The following GABBR2 variants were observed in gnomAD, a reference collection of about 807,000 sequenced individuals.
GABBR2 encodes the protein G-protein coupled receptor 51.
In GABBR2, 23 loss-of-function variants were observed where a neutral mutation model predicts 105.6. The observed-to-expected ratio is 0.22, with a 90% CI of 0.16 to 0.31. The LOEUF (loss-of-function observed/expected upper bound fraction) is 0.31, where lower values mean the gene tolerates loss of function less well. Among genes scored for constraint, GABBR2 ranks in the 10% least tolerant of loss-of-function variants. GABBR2 has a pLI of 1.00. For synonymous variants in GABBR2, 478 were observed against 499.7 expected (o/e 0.96, Z 0.58); for missense variants, 734 against 1,245.5 (o/e 0.59, Z 6.18).
At chr9:98,499,569 T>C (rs1229327557) in intron 3 of GABBR2, among the ~76,000 whole-genome samples, 5 of 152,232 alleles carry the variant, frequency 3.3e-5, no homozygotes, top group South Asian at 2.1e-4. Context: ...GTCAGTAATA[T>C]TATAAATGGC....
rs117965405 is a variant in GABBR2, at chr9:98,457,424, T to C, written c.1000-3207A>G. Among the ~76,000 whole-genome samples the C allele has an allele frequency of 4.2e-3, 640 of 152,362 alleles. 3 individuals carry two copies. Among genetic ancestry groups the C allele is most frequent in the Non-Finnish European group, 7.2e-3 (489 of 68,034 alleles). ...AGTGTAATTTTAAACTTCCTTGATA[T>C]AGTTTTGTTTTGTTTTGTGGGACAC... On this transcript the variant is annotated intron_variant, in intron 6 of 18. Coordinates refer to ENST00000259455, the MANE Select transcript of GABBR2 (RefSeq NM_005458.8).
chr9:98,420,015 G>A (rs1239948366), intron 7 of GABBR2, among the ~76,000 whole-genome samples: 2 of 152,114 alleles, frequency 1.3e-5, no homozygotes, highest in Non-Finnish European at 2.9e-5. Flanking sequence ...CAGGTTGTAC[G>A]TAAGATGCTG....
intron 17 of GABBR2, among the ~76,000 whole-genome samples, chr9:98,294,414 G>A (rs138559944): frequency 0.014 from 2,100 of 152,098 alleles, 18 homozygotes; most frequent in Non-Finnish European, 0.022. Context: ...TTTTTTACCC[G>A]GAATTTCCAC....
chr9:98,699,228 G>C (rs549556882), intron 1 of GABBR2, among the ~76,000 whole-genome samples: 2 of 152,236 alleles, frequency 1.3e-5, no homozygotes, highest in Admixed American at 1.3e-4. Context: ...TCAGAAGCCG[G>C]AAAGTATTTA....
At chr9:98,648,116 T>TGTGTGTATAGATAGATAGATAGATAG in intron 1 of GABBR2, among the ~76,000 whole-genome samples, 54 of 55,938 alleles carry the variant, frequency 9.7e-4, no homozygotes, top group African/African-American at 2.6e-3. Context: ...TGTGTGTGTG[T>TGTGTGTATAGATAGATAGATAGATAG]ATAGATAGAT....
chr9:98,395,659 GC>G (rs1832274803), intron 8 of GABBR2, among the ~76,000 whole-genome samples: 2 of 152,166 alleles, frequency 1.3e-5, no homozygotes, highest in African/African-American at 4.8e-5. Flanking sequence ...TCACCATGGA[GC>G]TGGCTGCAGT....
In GABBR2 at chr9:98,293,713, C is replaced by G. The variant is rs1830336938; in HGVS notation, c.2660+72G>C. 6.2e-5 allele frequency: 51 copies of G among 820,406 alleles called. 2 individuals carry two copies. The South Asian group carries it at 7.0e-4, about 11-fold the overall frequency. The allele number at this position is 820,406 out of a possible 1,614,324, so 50.8% of individuals were successfully genotyped here. On this transcript the variant is annotated intron_variant, in intron 18 of 18. Coordinates refer to ENST00000259455, the MANE Select transcript of GABBR2 (RefSeq NM_005458.8). Reference sequence around the variant, plus strand: ...AAATAATGGATGTGAAAACATCGTGCAAATTGCAAACTCTTGTGCAGGAGT... The same window carrying G: ...AAATAATGGATGTGAAAACATCGTGGAAATTGCAAACTCTTGTGCAGGAGT...
intron 5 of GABBR2, among the ~76,000 whole-genome samples, chr9:98,474,767 T>A (rs572802963): frequency 6.6e-6 from 1 of 152,100 alleles, no homozygotes; most frequent in African/African-American, 2.4e-5. Flanking sequence ...AAAGTGAGGG[T>A]CTGTCCACAG....
chr9:98,673,673 G>A (rs1471718215), intron 1 of GABBR2, among the ~76,000 whole-genome samples: 1 of 151,804 alleles, frequency 6.6e-6, no homozygotes, highest in Non-Finnish European at 1.5e-5. Context: ...GTTTAAATGT[G>A]AAAACTTTAG....
intron 13 of GABBR2, among the ~76,000 whole-genome samples, chr9:98,343,781 C>T (rs553606133): frequency 3.9e-5 from 6 of 152,144 alleles, no homozygotes; most frequent in African/African-American, 1.4e-4. Flanking sequence ...TGTCGTGAAC[C>T]CGGGAGGTGG....
rs558916092 is a variant in GABBR2, at chr9:98,452,543, A to G, written c.1236+1438T>C. 7.9e-5 allele frequency among the ~76,000 whole-genome samples: 12 copies of G among 152,334 alleles called. No individual in the cohort carries two copies. The South Asian group carries it at 2.5e-3, about 32-fold the overall frequency. On this transcript the variant is annotated intron_variant, in intron 7 of 18. Coordinates refer to ENST00000259455, the MANE Select transcript of GABBR2 (RefSeq NM_005458.8). ...TAATAAGAGCACCTACTTCCTATGG[A>G]TGGCATAAGGATATGGTGTAATCAT...
At chr9:98,639,302 T>C (rs957724313) in intron 1 of GABBR2, among the ~76,000 whole-genome samples, 2 of 152,172 alleles carry the variant, frequency 1.3e-5, no homozygotes, top group African/African-American at 4.8e-5. Context: ...CCAGCAATCA[T>C]GACACAAACA....
chr9:98,458,852 C>T (rs781581766), intron 6 of GABBR2, among the ~76,000 whole-genome samples: 10 of 152,210 alleles, frequency 6.6e-5, no homozygotes, highest in Non-Finnish European at 1.0e-4. Context: ...CTGATGAAGT[C>T]CCTCCTGCGA....
At chr9:98,308,723 G>A (rs977990199) in intron 14 of GABBR2, among the ~76,000 whole-genome samples, 1 of 152,192 alleles carries the variant, frequency 6.6e-6, no homozygotes, top group Non-Finnish European at 1.5e-5. Flanking sequence ...AGGCAAGGAC[G>A]GATTCTCTCC....
intron 7 of GABBR2, among the ~76,000 whole-genome samples, chr9:98,416,998 T>G (rs746110974): frequency 3.3e-5 from 5 of 152,180 alleles, no homozygotes; most frequent in Non-Finnish European, 7.3e-5. Flanking sequence ...CCTCCCCTGT[T>G]CATGTCCTCT....
At position 98,517,380 on chromosome 9, in the gene GABBR2, T is replaced by C. The variant is rs1588208047; in HGVS notation, c.631-20866A>G. ...GTATGCTGAGCCCCAAGAGAGTCCC[T>C]CTCCTGGCGAAACTGACCTTGAACA... On this transcript the variant is annotated intron_variant, in intron 3 of 18. Transcript: ENST00000259455. Among the ~76,000 whole-genome samples, 3 of 152,072 alleles carry C rather than the reference T, an allele frequency of 2.0e-5. No homozygotes were observed. In the East Asian group the frequency reaches 5.8e-4, roughly 29 times the overall value.
intron 18 of GABBR2, among the ~76,000 whole-genome samples, chr9:98,292,911 G>A (rs970174060): frequency 9.8e-5 from 15 of 152,328 alleles, no homozygotes; most frequent in Admixed American, 2.0e-4. Context: ...CACTCTACTG[G>A]AGGCAACTGC....
chr9:98,487,928 C>G (rs934187302), intron 4 of GABBR2, among the ~76,000 whole-genome samples: 5 of 152,150 alleles, frequency 3.3e-5, no homozygotes, highest in Non-Finnish European at 7.3e-5. Flanking sequence ...CTTGGATTAG[C>G]CAGGTGATAA....
At chr9:98,693,096 C>T (rs1335452989) in intron 1 of GABBR2, among the ~76,000 whole-genome samples, 1 of 152,162 alleles carries the variant, frequency 6.6e-6, no homozygotes, top group Admixed American at 6.5e-5. Flanking sequence ...CTCGAGGTTC[C>T]TCAATCCCAG....
Sources: gnomAD v4.1 joint callset for allele counts (sites outside exome capture counted in the v4.1 genomes callset) on GRCh38, gnomAD v4.1.1 for gene constraint, MANE v1.5 for transcripts, NCBI Gene and HGNC (gene_info 2026-07-23, HGNC 2026-07-21) for gene names.